MITF: variants seen among roughly 807,000 people sequenced by gnomAD.
The protein encoded by MITF is microphthalmia-associated transcription factor.
A neutral mutation model predicts 60.5 loss-of-function variants in MITF; 17 were observed. That is an observed-to-expected ratio of 0.28 (90% CI 0.19 to 0.42). The LOEUF (loss-of-function observed/expected upper bound fraction) is 0.42, where lower values mean the gene tolerates loss of function less well. Ranked by LOEUF, MITF falls within the 10% of genes least tolerant of loss-of-function variation. The pLI is 1.00. For synonymous variants in MITF, 260 were observed against 248.5 expected (o/e 1.05, Z -0.43); for missense variants, 622 against 683.5 (o/e 0.91, Z 1.00).
At chr3:69,936,082 T>C (rs2065826658) in intron 2 of MITF, among the ~76,000 whole-genome samples, 1 of 152,148 alleles carries the variant, frequency 6.6e-6, no homozygotes, top group South Asian at 2.1e-4. Context: ...AATAGGCAGG[T>C]TACACATCTA....
At chr3:69,784,604 C>T (rs555191042) in intron 1 of MITF, among the ~76,000 whole-genome samples, 4 of 152,234 alleles carry the variant, frequency 2.6e-5, no homozygotes, top group Non-Finnish European at 2.9e-5. Context: ...AATTCCCTCC[C>T]TCCTTCCCCC....
intron 2 of MITF, among the ~76,000 whole-genome samples, chr3:69,892,141 A>G (rs2064773826): frequency 6.6e-6 from 1 of 152,200 alleles, no homozygotes; most frequent in Admixed American, 6.5e-5. Flanking sequence ...TTGATATCAG[A>G]GCTCTATGTT....
intron 1 of MITF, among the ~76,000 whole-genome samples, chr3:69,742,332 C>T (rs569527739): frequency 3.9e-4 from 59 of 152,152 alleles, no homozygotes; most frequent in African/African-American, 1.4e-3. Context: ...AGGACAGCCC[C>T]CACAACAAAG....
intron 1 of MITF, among the ~76,000 whole-genome samples, chr3:69,797,867 A>C (rs1331582630): frequency 1.3e-5 from 2 of 152,230 alleles, no homozygotes; most frequent in African/African-American, 4.8e-5. Flanking sequence ...TGTGGGTCAG[A>C]GATTACAATA....
intron 7 of MITF, among the ~76,000 whole-genome samples, chr3:69,953,051 T>C: frequency 6.6e-6 from 1 of 152,154 alleles, no homozygotes; most frequent in East Asian, 1.9e-4. Flanking sequence ...GAAACCGAAC[T>C]GAGAGGCACA....
At chr3:69,789,205 G>A (rs6786226) in intron 1 of MITF, among the ~76,000 whole-genome samples, 79,184 of 152,080 alleles carry the variant, frequency 0.52, 22,040 homozygotes, top group Non-Finnish European at 0.64. Flanking sequence ...GAGACAAACT[G>A]CAGAATGGTA....
At chr3:69,794,386 G>A (rs6785461) in intron 1 of MITF, among the ~76,000 whole-genome samples, 79,831 of 151,994 alleles carry the variant, frequency 0.53, 22,417 homozygotes, top group Non-Finnish European at 0.64. Flanking sequence ...TGTTTTTACA[G>A]AAAGTCAGAT....
At chr3:69,747,429 G>A (rs1405980907) in intron 1 of MITF, among the ~76,000 whole-genome samples, 3 of 152,218 alleles carry the variant, frequency 2.0e-5, no homozygotes, top group African/African-American at 7.2e-5. Flanking sequence ...CTGGCTCTGT[G>A]ACTTTGGTCA....
rs771228577 is a variant in MITF, at chr3:69,956,421, T to A, written c.956-34T>A. Reference sequence around the variant, plus strand: ...GTGCTAAATGCATACATGGCACTGTTACTAATAGCCTTTCCTGTGCTCTTT... The same window carrying A: ...GTGCTAAATGCATACATGGCACTGTAACTAATAGCCTTTCCTGTGCTCTTT... On this transcript the variant is annotated intron_variant, in intron 7 of 9. Coordinates refer to ENST00000352241, the MANE Select transcript of MITF (RefSeq NM_001354604.2). 11 of 1,547,784 alleles carry A rather than the reference T, an allele frequency of 7.1e-6. No homozygotes were observed. The Admixed American group carries it at 1.8e-4, about 26-fold the overall frequency.
intron 1 of MITF, among the ~76,000 whole-genome samples, chr3:69,839,042 T>C (rs569752173): frequency 7.2e-5 from 11 of 152,372 alleles, no homozygotes; most frequent in Admixed American, 4.6e-4. Flanking sequence ...GAGTGGCCAT[T>C]ACTGCTGCTT....
intron 8 of MITF, among the ~76,000 whole-genome samples, chr3:69,959,070 G>A (rs993348658): frequency 1.3e-5 from 2 of 152,152 alleles, no homozygotes; most frequent in South Asian, 2.1e-4. Context: ...CAGTGTACAC[G>A]GCTTGGGTGG....
At position 69,753,146 on chromosome 3, in the gene MITF, C is replaced by T. The variant is rs188038284; in HGVS notation, c.104+13445C>T. Among the ~76,000 whole-genome samples, 105 of 152,316 alleles carry T rather than the reference C, an allele frequency of 6.9e-4. 1 individual carries two copies. Among genetic ancestry groups the T allele is most frequent in the Non-Finnish European group, 3.1e-4 (21 of 68,028 alleles). On this transcript the variant is annotated intron_variant, in intron 1 of 9. Transcript: ENST00000352241. ...CCCTGCATAGCCTTGGGACACTGCT[C>T]TCCACATCCTAGTTGCTCCAGATCC...
Position 69,965,429 on chromosome 3 carries a change from T to A in MITF, c.*181T>A. On this transcript the variant is annotated 3_prime_UTR_variant, in exon 10 of 10. Transcript: ENST00000352241. ...TTTTGTGAAACAGACTTGTATATTC[T>A]ATTTTACAACTACAAATGCCTCCAA... The A allele has an allele frequency of 1.6e-6, 1 of 621,806 alleles. No homozygotes were observed. The highest frequency in any genetic ancestry group is 2.1e-5 in the South Asian group (1 of 47,314). The allele number at this position is 621,806 out of a possible 1,614,324, so 38.5% of individuals were successfully genotyped here.
At chr3:69,798,989 C>T (rs1331523444) in intron 1 of MITF, among the ~76,000 whole-genome samples, 2 of 152,166 alleles carry the variant, frequency 1.3e-5, no homozygotes, top group Admixed American at 6.5e-5. Context: ...TTCTGTGTCT[C>T]ATCCTAGACT....
At chr3:69,891,554 C>T (rs774448156) in intron 2 of MITF, among the ~76,000 whole-genome samples, 37 of 152,170 alleles carry the variant, frequency 2.4e-4, no homozygotes, top group Non-Finnish European at 4.4e-4. Flanking sequence ...TGTGTTTTAA[C>T]CAGCCTTCTG....
chr3:69,938,873 C>G (rs1257168751), intron 3 of MITF: 2 of 1,436,398 alleles, frequency 1.4e-6, no homozygotes, highest in Admixed American at 2.8e-5. Context: ...AAATCTTTGC[C>G]CCTATGCCCA....
At chr3:69,753,279 G>T (rs1235532821) in intron 1 of MITF, among the ~76,000 whole-genome samples, 1 of 152,258 alleles carries the variant, frequency 6.6e-6, no homozygotes, top group Non-Finnish European at 1.5e-5. Flanking sequence ...AGTGCACAGA[G>T]TGCAAGAGCT....
chr3:69,895,790 G>T (rs2064860442), intron 2 of MITF, among the ~76,000 whole-genome samples: 1 of 150,066 alleles, frequency 6.7e-6, no homozygotes, highest in Admixed American at 6.7e-5. Flanking sequence ...CATTCCTTAA[G>T]AGAGAATTGT....
At position 69,739,471 on chromosome 3, in the gene MITF, G is replaced by T; in HGVS notation, c.-127G>T. The T allele has an allele frequency of 1.3e-6, 1 of 770,084 alleles. No individual in the cohort carries two copies. Among genetic ancestry groups the T allele is most frequent in the South Asian group, 2.1e-5 (1 of 48,592 alleles). 47.7% of individuals were successfully genotyped at this position (770,084 alleles called of 1,614,324 possible). On this transcript the variant is annotated 5_prime_UTR_variant, in exon 1 of 10. Coordinates refer to ENST00000352241, the MANE Select transcript of MITF (RefSeq NM_001354604.2). ...GCGCTGGGGCGGGCGGCCGCGAGCCGGCGAGCGGGCAGAGCTCGGCACTGC... is the reference window on the plus strand; with the variant it reads ...GCGCTGGGGCGGGCGGCCGCGAGCCTGCGAGCGGGCAGAGCTCGGCACTGC...
Sources: gnomAD v4.1 joint callset for allele counts (sites outside exome capture counted in the v4.1 genomes callset) on GRCh38, gnomAD v4.1.1 for gene constraint, MANE v1.5 for transcripts, NCBI Gene and HGNC (gene_info 2026-07-23, HGNC 2026-07-21) for gene names.